ATP6V0A1: variants seen among roughly 807,000 people sequenced by gnomAD.
ATP6V0A1 encodes V-type proton ATPase 116 kDa subunit a 1.
ATP6V0A1 carries 43 observed loss-of-function variants against 105.4 expected under a neutral mutation model. That is an observed-to-expected ratio of 0.41 (90% CI 0.32 to 0.53). ATP6V0A1 has a LOEUF of 0.53. ATP6V0A1 is among the 20% of genes least tolerant of loss of function. The pLI is 0.30. For missense variants in ATP6V0A1, 676 were observed against 1,051.1 expected (o/e 0.64, Z 4.93); for synonymous variants, 362 against 372.8 (o/e 0.97, Z 0.33).
chr17:42,479,877 A>T (rs111619236), intron 7 of ATP6V0A1, among the ~76,000 whole-genome samples: 81 of 152,386 alleles, frequency 5.3e-4, no homozygotes, highest in African/African-American at 1.8e-3. Context: ...CAACAAATCC[A>T]GAAATGGGGA....
chr17:42,466,736 T>C (rs1033233195), intron 3 of ATP6V0A1, among the ~76,000 whole-genome samples: 2 of 152,224 alleles, frequency 1.3e-5, no homozygotes, highest in Non-Finnish European at 2.9e-5. Context: ...AACTGAAAAC[T>C]GGTTGTTTTT....
intron 2 of ATP6V0A1, among the ~76,000 whole-genome samples, chr17:42,463,679 TA>T (rs2086702772): frequency 6.6e-6 from 1 of 152,184 alleles, no homozygotes; most frequent in South Asian, 2.1e-4. Flanking sequence ...CTTAAGCAAA[TA>T]CAGTTGATCC....
chr17:42,508,735 C>T (rs1171894594), intron 19 of ATP6V0A1, 146 bp downstream of exon 19: 4 of 1,118,948 alleles, frequency 3.6e-6, no homozygotes, highest in Middle Eastern at 2.4e-4. Context: ...CAAACCAGTT[C>T]GTGAGCCTGT....
chr17:42,502,504 A>ACACG (rs2091755325), intron 17 of ATP6V0A1, among the ~76,000 whole-genome samples: 1 of 152,166 alleles, frequency 6.6e-6, no homozygotes, highest in African/African-American at 2.4e-5. Context: ...GCGCACACAC[A>ACACG]CACACACACA....
intron 7 of ATP6V0A1, 28 bp downstream of exon 7, chr17:42,478,617 A>G: frequency 1.3e-6 from 2 of 1,542,098 alleles, no homozygotes; most frequent in Non-Finnish European, 8.8e-7. Flanking sequence ...CATCCTGTGG[A>G]GTAGGTCTTG....
intron 19 of ATP6V0A1, 68 bp downstream of exon 19, chr17:42,508,657 C>G: frequency 6.3e-7 from 1 of 1,596,466 alleles, no homozygotes; most frequent in Non-Finnish European, 8.6e-7. Context: ...TGTGATCACT[C>G]TGCTGACCCT....
At chr17:42,508,643 T>G in intron 19 of ATP6V0A1, 54 bp downstream of exon 19, 1 of 1,610,520 alleles carries the variant, frequency 6.2e-7, no homozygotes, top group Middle Eastern at 1.7e-4. Context: ...TCTCTTCCCA[T>G]CCTTGTGATC....
chr17:42,481,944 C>T (rs138839841), intron 8 of ATP6V0A1, among the ~76,000 whole-genome samples: 20 of 151,832 alleles, frequency 1.3e-4, no homozygotes, highest in African/African-American at 3.9e-4. Flanking sequence ...AGGGTTCCAG[C>T]GATTCTCCTG....
Position 42,499,058 on chromosome 17 carries a change from T to C in ATP6V0A1, c.1679+16T>C, listed in dbSNP as rs760735898. ...TCAACCATATGTGAGTTGTTCCATT[T>C]CTGTCATAAGAATGTGCATAGTTTA... On this transcript the variant is annotated intron_variant, in intron 15 of 21. Transcript: ENST00000343619. The C allele has an allele frequency of 6.5e-7, 1 of 1,535,236 alleles. No individual in the cohort carries two copies. The highest frequency in any genetic ancestry group is 9.0e-7 in the Non-Finnish European group (1 of 1,111,224).
chr17:42,499,023 C>T lies in ATP6V0A1; in HGVS notation c.1660C>T (p.Leu554=). 1 of 1,608,778 alleles carries T rather than the reference C, an allele frequency of 6.2e-7. No individual in the cohort carries two copies. Among genetic ancestry groups the T allele is most frequent in the Non-Finnish European group, 8.5e-7 (1 of 1,175,354 alleles). The part of the protein sequence containing the change: ...GIIHMLFGVS[L]SLFNHIYFKK... ...CATCCATATGCTGTTTGGAGTCAGC[C>T]TGAGTCTGTTCAACCATATGTGAGT... Residue 554 remains leucine (L), a synonymous_variant, in exon 15 of 22, where the codon CTG becomes TTG. Coordinates refer to ENST00000343619, the MANE Select transcript of ATP6V0A1 (RefSeq NM_001130021.3).
intron 11 of ATP6V0A1, among the ~76,000 whole-genome samples, chr17:42,491,436 G>T (rs560956490): frequency 4.0e-5 from 6 of 151,892 alleles, no homozygotes; most frequent in African/African-American, 1.4e-4. Flanking sequence ...TCAGCCTCCC[G>T]AATAGCTGGG....
intron 11 of ATP6V0A1, among the ~76,000 whole-genome samples, chr17:42,491,586 C>T (rs1289262076): frequency 6.6e-6 from 1 of 152,144 alleles, no homozygotes; most frequent in Non-Finnish European, 1.5e-5. Context: ...CAGGTTCAAG[C>T]GATTCTCCTG....
At chr17:42,481,259 A>G (rs924133513) in intron 8 of ATP6V0A1, 3 of 136,362 alleles carry the variant, frequency 2.2e-5, no homozygotes, top group Non-Finnish European at 3.2e-5. Context: ...GTCTCCCTCC[A>G]CGCCCAGGCT....
chr17:42,467,590 T>C (rs1177192769), intron 3 of ATP6V0A1, among the ~76,000 whole-genome samples: 1 of 152,190 alleles, frequency 6.6e-6, no homozygotes, highest in Admixed American at 6.5e-5. Flanking sequence ...AGATCTAGAG[T>C]TGTCTCACTA....
chr17:42,467,396 C>T (rs966918403), intron 3 of ATP6V0A1, among the ~76,000 whole-genome samples: 6 of 152,158 alleles, frequency 3.9e-5, no homozygotes, highest in African/African-American at 1.4e-4. Flanking sequence ...TGCCACTCTA[C>T]TAAGCCAGCT....
chr17:42,496,915 A>G (rs2091236285), intron 14 of ATP6V0A1, among the ~76,000 whole-genome samples: 1 of 152,108 alleles, frequency 6.6e-6, no homozygotes, highest in South Asian at 2.1e-4. Context: ...AAGATAAACA[A>G]CCCAATTTCT....
At chr17:42,469,023 T>C (rs1453997002) in intron 4 of ATP6V0A1, among the ~76,000 whole-genome samples, 1 of 152,052 alleles carries the variant, frequency 6.6e-6, no homozygotes, top group Non-Finnish European at 1.5e-5. Context: ...TTTTTTTGTA[T>C]TTTTTGTAGA....
intron 10 of ATP6V0A1, among the ~76,000 whole-genome samples, chr17:42,488,331 A>G (rs2090306773): frequency 6.6e-6 from 1 of 152,226 alleles, no homozygotes; most frequent in South Asian, 2.1e-4. Context: ...TGTCTGCATC[A>G]GGTAGTTTGG....
chr17:42,506,326 G>T (rs1265131120), intron 17 of ATP6V0A1, among the ~76,000 whole-genome samples: 1 of 152,208 alleles, frequency 6.6e-6, no homozygotes, highest in East Asian at 1.9e-4. Flanking sequence ...AGCTTTTGGG[G>T]TAATTCTAAT....
Sources: allele counts gnomAD v4.1 joint callset (sites outside exome capture counted in the v4.1 genomes callset), GRCh38; gene constraint gnomAD v4.1.1; transcripts MANE v1.5; gene names NCBI Gene and HGNC (gene_info 2026-07-23, HGNC 2026-07-21).